The following SH3BGRL2 variants were observed in gnomAD, a reference collection of about 807,000 sequenced individuals.
SH3BGRL2 encodes the protein SH3 domain binding glutamate rich protein like 2.
In SH3BGRL2, 21 loss-of-function variants were observed where a neutral mutation model predicts 14.8. The observed-to-expected ratio is 1.42, with a 90% CI of 1.01 to 2.05. The LOEUF (loss-of-function observed/expected upper bound fraction) is 2.05, where lower values mean the gene tolerates loss of function less well. Among genes scored for constraint, SH3BGRL2 ranks in the 30% most tolerant of loss-of-function variants. SH3BGRL2 has a pLI of 0.00. For missense variants in SH3BGRL2, 147 were observed against 130.8 expected (o/e 1.12, Z -0.61); for synonymous variants, 50 against 47.8 (o/e 1.05, Z -0.19).
At chr6:79,594,036 A>AC in the SH3BGRL2 span, among the ~76,000 whole-genome samples, 1 of 151,880 alleles carries the variant, frequency 6.6e-6, no homozygotes, top group South Asian at 2.1e-4. Flanking sequence ...AAAAAAAAAA[A>AC]AAACCCAAAA....
intron 1 of SH3BGRL2, among the ~76,000 whole-genome samples, chr6:79,659,419 G>C (rs966813639): frequency 3.3e-5 from 5 of 152,034 alleles, no homozygotes; most frequent in African/African-American, 9.7e-5. Flanking sequence ...TCTTGTTTTT[G>C]TCAGGTTTGT....
chr6:79,696,397 A>T, intron 2 of SH3BGRL2, 88 bp from the exon 3 acceptor site: 1 of 951,690 alleles, frequency 1.1e-6, no homozygotes, highest in Non-Finnish European at 1.6e-6. Context: ...TACATTTTTT[A>T]CTTCCATAAA....
intron 2 of SH3BGRL2, among the ~76,000 whole-genome samples, chr6:79,686,241 G>C (rs1378260109): frequency 1.3e-5 from 2 of 152,158 alleles, no homozygotes; most frequent in African/African-American, 2.4e-5. Context: ...CTGCTCAGCA[G>C]TTAATAGGAC....
the SH3BGRL2 span, among the ~76,000 whole-genome samples, chr6:79,625,875 TA>T: frequency 6.6e-6 from 1 of 152,306 alleles, no homozygotes; most frequent in South Asian, 2.1e-4. Context: ...TCCCATTCCT[TA>T]ACCCCTCTGG....
intron 1 of SH3BGRL2, among the ~76,000 whole-genome samples, chr6:79,655,872 C>G (rs953075417): frequency 6.6e-6 from 1 of 152,190 alleles, no homozygotes; most frequent in African/African-American, 2.4e-5. Context: ...ATTCACCCCT[C>G]CATAATCTGT....
intron 2 of SH3BGRL2, among the ~76,000 whole-genome samples, chr6:79,690,484 T>A (rs1770189999): frequency 6.6e-6 from 1 of 152,174 alleles, no homozygotes; most frequent in South Asian, 2.1e-4. Flanking sequence ...TAGGCTGGGC[T>A]TTACACCTGG....
rs1420608267 is a variant in SH3BGRL2, at chr6:79,702,302, T to C, written c.*2793T>C. 1 of 152,618 alleles carries C rather than the reference T, an allele frequency of 6.6e-6. No individual in the cohort carries two copies. Among genetic ancestry groups the C allele is most frequent in the Non-Finnish European group, 1.5e-5 (1 of 68,030 alleles). 9.5% of individuals were successfully genotyped at this position (152,618 alleles called of 1,614,324 possible). On this transcript the variant is annotated 3_prime_UTR_variant, in exon 4 of 4. Coordinates refer to ENST00000369838, the MANE Select transcript of SH3BGRL2 (RefSeq NM_031469.4). ...CGTTATTGAAAAGTACCAAAGCTTCTTTCTGTTGTGTTTGATTTTACTATA... is the reference window on the plus strand; with the variant it reads ...CGTTATTGAAAAGTACCAAAGCTTCCTTCTGTTGTGTTTGATTTTACTATA...
intron 2 of SH3BGRL2, among the ~76,000 whole-genome samples, chr6:79,690,874 A>T (rs1770200005): frequency 6.6e-6 from 1 of 152,196 alleles, no homozygotes; most frequent in Non-Finnish European, 1.5e-5. Flanking sequence ...CAATATAATG[A>T]TACCTCATCT....
At chr6:79,617,090 G>T in the SH3BGRL2 span, among the ~76,000 whole-genome samples, 1 of 151,896 alleles carries the variant, frequency 6.6e-6, no homozygotes, top group African/African-American at 2.4e-5. Context: ...GAGGCTAAGG[G>T]AGGAGAATTG....
chr6:79,672,169 TG>T (rs765941715), intron 1 of SH3BGRL2, among the ~76,000 whole-genome samples: 16 of 152,320 alleles, frequency 1.1e-4, no homozygotes, highest in Non-Finnish European at 1.8e-4. Flanking sequence ...AGCTGTTCTG[TG>T]GAAGCTAGGG....
the SH3BGRL2 span, among the ~76,000 whole-genome samples, chr6:79,598,800 C>T: frequency 1.3e-5 from 2 of 152,132 alleles, no homozygotes; most frequent in South Asian, 2.1e-4. Context: ...TGCTCAACCT[C>T]GGCTGGGCGC....
chr6:79,610,982 C>T, the SH3BGRL2 span, among the ~76,000 whole-genome samples: 2 of 152,100 alleles, frequency 1.3e-5, no homozygotes, highest in African/African-American at 4.8e-5. Context: ...TTTGGGGAGG[C>T]GAGGGTCTAA....
At chr6:79,648,288 CAT>C (rs1276651197) in intron 1 of SH3BGRL2, among the ~76,000 whole-genome samples, 2 of 40,754 alleles carry the variant, frequency 4.9e-5, no homozygotes, top group African/African-American at 8.6e-5. Context: ...ATATATTTGA[CAT>C]ATATTATATA....
chr6:79,559,988 T>A, the SH3BGRL2 span, among the ~76,000 whole-genome samples: 2 of 151,916 alleles, frequency 1.3e-5, no homozygotes, highest in Non-Finnish European at 2.9e-5. Context: ...GGAGACAGAA[T>A]GTGCAAGAGA....
At chr6:79,662,938 C>G (rs1769583392) in intron 1 of SH3BGRL2, among the ~76,000 whole-genome samples, 1 of 152,118 alleles carries the variant, frequency 6.6e-6, no homozygotes, top group Non-Finnish European at 1.5e-5. Context: ...TTGATCAAAT[C>G]GGCTGTTGAA....
At chr6:79,662,881 T>G (rs1195654119) in intron 1 of SH3BGRL2, among the ~76,000 whole-genome samples, 1 of 152,236 alleles carries the variant, frequency 6.6e-6, no homozygotes, top group African/African-American at 2.4e-5. Flanking sequence ...GTCTTCTTAC[T>G]TTATTTTGTT....
intron 2 of SH3BGRL2, among the ~76,000 whole-genome samples, chr6:79,681,803 G>C (rs191911140): frequency 6.6e-6 from 1 of 151,878 alleles, no homozygotes; most frequent in Admixed American, 6.6e-5. Context: ...ACAAATATCC[G>C]ATCCATATAT....
At chr6:79,633,256 C>G (rs905119375) in intron 1 of SH3BGRL2, among the ~76,000 whole-genome samples, 2 of 152,158 alleles carry the variant, frequency 1.3e-5, no homozygotes, top group African/African-American at 2.4e-5. Context: ...GGTACCTCAT[C>G]TCTGCCTGAG....
the SH3BGRL2 span, among the ~76,000 whole-genome samples, chr6:79,612,738 G>C: frequency 6.6e-6 from 1 of 152,156 alleles, no homozygotes; most frequent in African/African-American, 2.4e-5. Context: ...ACTGAAAGCA[G>C]AAAGAGGCTG....
Sources: gnomAD v4.1 joint callset for allele counts (sites outside exome capture counted in the v4.1 genomes callset) on GRCh38, gnomAD v4.1.1 for gene constraint, MANE v1.5 for transcripts, NCBI Gene and HGNC (gene_info 2026-07-23, HGNC 2026-07-21) for gene names.